RASAL2: variants seen among roughly 807,000 people sequenced by gnomAD.
The protein encoded by RASAL2 is RAS protein activator like 2.
In RASAL2, 58 loss-of-function variants were observed where a neutral mutation model predicts 128.9. That is an observed-to-expected ratio of 0.45 (90% CI 0.36 to 0.56). RASAL2 has a LOEUF of 0.56. RASAL2 is among the 20% of genes least tolerant of loss of function. The pLI, the probability that RASAL2 is intolerant of heterozygous loss-of-function variation, is 0.00. For missense variants in RASAL2, 1,360 were observed against 1,601.6 expected (o/e 0.85, Z 2.57); for synonymous variants, 561 against 580.8 (o/e 0.97, Z 0.49).
intron 12 of RASAL2, among the ~76,000 whole-genome samples, chr1:178,454,930 A>G (rs1386373724): frequency 6.6e-6 from 1 of 152,162 alleles, no homozygotes; most frequent in Non-Finnish European, 1.5e-5. Context: ...AAACTTGACT[A>G]GAAACTAATA....
At chr1:178,224,331 T>TA (rs1029086030) in intron 1 of RASAL2, among the ~76,000 whole-genome samples, 4 of 152,072 alleles carry the variant, frequency 2.6e-5, no homozygotes, top group African/African-American at 9.7e-5. Context: ...TTCCAACACT[T>TA]AAAAAATCTT....
At chr1:178,279,462 C>G (rs527479980) in intron 1 of RASAL2, among the ~76,000 whole-genome samples, 1 of 152,230 alleles carries the variant, frequency 6.6e-6, no homozygotes, top group Admixed American at 6.5e-5. Flanking sequence ...GTTAAGACCT[C>G]TGGTCTTTCC....
At chr1:178,236,151 T>C (rs1003704351) in intron 1 of RASAL2, among the ~76,000 whole-genome samples, 1 of 152,156 alleles carries the variant, frequency 6.6e-6, no homozygotes, top group African/African-American at 2.4e-5. Context: ...TGTTCAGATA[T>C]TAGGTGCAAA....
chr1:178,362,482 C>T (rs888882759), intron 3 of RASAL2, among the ~76,000 whole-genome samples: 1 of 150,272 alleles, frequency 6.7e-6, no homozygotes, highest in Non-Finnish European at 1.5e-5. Flanking sequence ...CCCTCTCTTC[C>T]CTTCTCTTTT....
chr1:178,327,024 G>T (rs1479463002), intron 3 of RASAL2, among the ~76,000 whole-genome samples: 2 of 152,078 alleles, frequency 1.3e-5, no homozygotes, highest in Non-Finnish European at 2.9e-5. Context: ...CTTAATAAAG[G>T]ACAAGTTTCA....
Position 178,297,736 on chromosome 1 carries a change from T to C in RASAL2, c.331-2256T>C, listed in dbSNP as rs529714423. Reference sequence around the variant, plus strand: ...GTGAAACTTTGAATACAACCTTTTATCATATTTTAAGTTTTAATACTGGGA... The same window carrying C: ...GTGAAACTTTGAATACAACCTTTTACCATATTTTAAGTTTTAATACTGGGA... On this transcript the variant is annotated intron_variant, in intron 2 of 17. Coordinates refer to ENST00000367649, the MANE Select transcript of RASAL2 (RefSeq NM_170692.4). Among the ~76,000 whole-genome samples the C allele has an allele frequency of 1.0e-3, 152 of 152,178 alleles. 1 individual carries two copies. Among genetic ancestry groups the C allele is most frequent in the Admixed American group, 1.8e-3 (27 of 15,290 alleles).
intron 1 of RASAL2, among the ~76,000 whole-genome samples, chr1:178,188,435 T>C (rs1662383430): frequency 6.6e-6 from 1 of 152,170 alleles, no homozygotes; most frequent in Admixed American, 6.5e-5. Context: ...TGCTCTGTTG[T>C]CTAGCATCTG....
At chr1:178,296,133 ATATGTG>A (rs1667496138) in intron 2 of RASAL2, among the ~76,000 whole-genome samples, 2 of 142,382 alleles carry the variant, frequency 1.4e-5, no homozygotes, top group African/African-American at 6.1e-5. Flanking sequence ...ATGTGTATAT[ATATGTG>A]TGTGTATATA....
At chr1:178,146,567 A>G (rs1280312925) in intron 1 of RASAL2, among the ~76,000 whole-genome samples, 1 of 152,198 alleles carries the variant, frequency 6.6e-6, no homozygotes, top group Non-Finnish European at 1.5e-5. Context: ...TAACTTGGAA[A>G]ACATCTTCTT....
At chr1:178,098,924 T>C (rs1658790498) in intron 1 of RASAL2, among the ~76,000 whole-genome samples, 1 of 152,074 alleles carries the variant, frequency 6.6e-6, no homozygotes, top group Non-Finnish European at 1.5e-5. Context: ...ATTCCAGAAA[T>C]GTGGCAGTGG....
At chr1:178,296,051 A>G (rs992231560) in intron 2 of RASAL2, among the ~76,000 whole-genome samples, 9 of 151,808 alleles carry the variant, frequency 5.9e-5, no homozygotes, top group African/African-American at 2.2e-4. Flanking sequence ...GTGTGTGTGT[A>G]TATATATGTG....
intron 1 of RASAL2, among the ~76,000 whole-genome samples, chr1:178,244,825 T>C (rs1282929999): frequency 1.3e-5 from 2 of 151,952 alleles, no homozygotes; most frequent in African/African-American, 4.8e-5. Flanking sequence ...GAACATGCAG[T>C]GTTTGGTTTT....
chr1:178,399,385 C>T (rs1292757114), intron 4 of RASAL2, among the ~76,000 whole-genome samples: 3 of 151,770 alleles, frequency 2.0e-5, no homozygotes, highest in African/African-American at 7.3e-5. Flanking sequence ...GGGGGAGGGG[C>T]AGGGGAGTGA....
At chr1:178,257,349 C>G (rs1648297231) in intron 1 of RASAL2, among the ~76,000 whole-genome samples, 1 of 151,850 alleles carries the variant, frequency 6.6e-6, no homozygotes, top group Non-Finnish European at 1.5e-5. Flanking sequence ...AAGAACACTT[C>G]TTAATGTCAC....
chr1:178,279,522 A>G (rs1666680217), intron 1 of RASAL2, among the ~76,000 whole-genome samples: 1 of 152,134 alleles, frequency 6.6e-6, no homozygotes, highest in African/African-American at 2.4e-5. Context: ...TTTTCTTAGA[A>G]TACCTCATTG....
chr1:178,226,734 G>GC (rs1489417505), intron 1 of RASAL2, among the ~76,000 whole-genome samples: 1 of 152,126 alleles, frequency 6.6e-6, no homozygotes, highest in Non-Finnish European at 1.5e-5. Flanking sequence ...ATCACCTGAG[G>GC]CCAGGAGTTC....
chr1:178,109,192 A>G (rs980663577), intron 1 of RASAL2, among the ~76,000 whole-genome samples: 1 of 152,234 alleles, frequency 6.6e-6, no homozygotes, highest in Admixed American at 6.5e-5. Context: ...TCACAGAAGC[A>G]GGTCAGTTAA....
At chr1:178,430,100 T>C (rs1675787809) in intron 5 of RASAL2, among the ~76,000 whole-genome samples, 1 of 152,166 alleles carries the variant, frequency 6.6e-6, no homozygotes, top group Admixed American at 6.6e-5. Context: ...CCTAGCACAA[T>C]GACTGTCCTA....
intron 1 of RASAL2, among the ~76,000 whole-genome samples, chr1:178,265,947 T>G (rs984630492): frequency 1.3e-5 from 2 of 152,238 alleles, no homozygotes; most frequent in Admixed American, 1.3e-4. Context: ...AGTTCTTTCA[T>G]TCTCCCTGGT....
Sources: allele counts gnomAD v4.1 joint callset (sites outside exome capture counted in the v4.1 genomes callset), GRCh38; gene constraint gnomAD v4.1.1; transcripts MANE v1.5; gene names NCBI Gene and HGNC (gene_info 2026-07-23, HGNC 2026-07-21).